The following CLYBL variants were observed in gnomAD, a reference collection of about 807,000 sequenced individuals.
The protein encoded by CLYBL is citramalyl-CoA lyase, mitochondrial.
CLYBL carries 31 observed loss-of-function variants against 38.9 expected under a neutral mutation model. The ratio of observed to expected loss-of-function variants is 0.80; its 90% CI spans 0.60 to 1.08. The LOEUF is 1.08. Among genes scored for constraint, CLYBL ranks in the 50% least tolerant of loss-of-function variants. The pLI is 0.00. For missense variants in CLYBL, 434 were observed against 411.6 expected (o/e 1.05, Z -0.47); for synonymous variants, 171 against 158.6 (o/e 1.08, Z -0.59).
chr13:99,842,636 C>T (rs2051109475), intron 2 of CLYBL, among the ~76,000 whole-genome samples: 1 of 152,016 alleles, frequency 6.6e-6, no homozygotes, highest in Admixed American at 6.5e-5. Flanking sequence ...ACAGGGCCAA[C>T]CTAATATGAA....
At position 99,674,345 on chromosome 13, in the gene CLYBL, G is replaced by C. The variant is rs753543388; in HGVS notation, c.62+67588G>C. Among the ~76,000 whole-genome samples the C allele has an allele frequency of 2.6e-5, 4 of 151,342 alleles. No homozygotes were observed. In the South Asian group the frequency reaches 6.3e-4, roughly 24 times the overall value. On this transcript the variant is annotated intron_variant, in intron 1 of 8. Coordinates refer to ENST00000339105, the MANE Select transcript of CLYBL (RefSeq NM_206808.5). ...TTTTGTATTTTTAATAAAGACAGGG[G>C]TTCACCATGTTGGCCAGGCTGGTCT...
chr13:99,881,390 G>A (rs994756408), intron 7 of CLYBL, among the ~76,000 whole-genome samples: 3 of 152,068 alleles, frequency 2.0e-5, no homozygotes, highest in African/African-American at 7.2e-5. Context: ...TACTTTCTAA[G>A]TCTCCAGTCA....
At chr13:99,822,804 A>G (rs1239718788) in intron 2 of CLYBL, among the ~76,000 whole-genome samples, 2 of 152,122 alleles carry the variant, frequency 1.3e-5, no homozygotes, top group Non-Finnish European at 2.9e-5. Flanking sequence ...GTTCTTCCCC[A>G]AGTCTTTCTT....
chr13:99,725,403 G>A (rs2048456322), intron 1 of CLYBL, among the ~76,000 whole-genome samples: 1 of 152,166 alleles, frequency 6.6e-6, no homozygotes, highest in Non-Finnish European at 1.5e-5. Context: ...GGCTAACAAT[G>A]TGAGCTTTCA....
intron 2 of CLYBL, among the ~76,000 whole-genome samples, chr13:99,812,387 T>C (rs1365343833): frequency 6.6e-6 from 1 of 152,210 alleles, no homozygotes; most frequent in African/African-American, 2.4e-5. Context: ...GTTACAGAAT[T>C]ACATAATTCC....
chr13:99,787,029 C>T (rs755758942), intron 2 of CLYBL, among the ~76,000 whole-genome samples: 5 of 151,848 alleles, frequency 3.3e-5, no homozygotes, highest in Non-Finnish European at 5.9e-5. Flanking sequence ...CTGTTCACAT[C>T]CTTCACCCAC....
chr13:99,721,862 T>C (rs1224997888), intron 1 of CLYBL, among the ~76,000 whole-genome samples: 1 of 152,124 alleles, frequency 6.6e-6, no homozygotes, highest in Non-Finnish European at 1.5e-5. Flanking sequence ...AGGGGTTATT[T>C]TTGCCTCTGG....
intron 2 of CLYBL, among the ~76,000 whole-genome samples, chr13:99,848,112 C>T (rs1424187154): frequency 6.6e-6 from 1 of 152,192 alleles, no homozygotes; most frequent in Admixed American, 6.5e-5. Context: ...CTCTCACCTC[C>T]TCTGCACTTA....
intron 2 of CLYBL, among the ~76,000 whole-genome samples, chr13:99,812,817 T>C (rs2050368766): frequency 6.6e-6 from 1 of 152,188 alleles, no homozygotes; most frequent in African/African-American, 2.4e-5. Context: ...ATACCCAGCC[T>C]CTGGATGGTA....
intron 1 of CLYBL, among the ~76,000 whole-genome samples, chr13:99,752,726 C>A (rs1940818252): frequency 6.6e-6 from 1 of 152,050 alleles, no homozygotes; most frequent in Non-Finnish European, 1.5e-5. Context: ...TGTGTCACCC[C>A]CTCATGGCTC....
intron 2 of CLYBL, among the ~76,000 whole-genome samples, chr13:99,800,910 A>C (rs891928855): frequency 2.6e-4 from 39 of 150,738 alleles, no homozygotes; most frequent in Non-Finnish European, 4.9e-4. Context: ...AAAAAAACAA[A>C]AAAAAAAAAA....
intron 9 of CLYBL, among the ~76,000 whole-genome samples, chr13:99,906,558 G>A (rs2181610): frequency 0.079 from 11,974 of 151,986 alleles, 540 homozygotes; most frequent in South Asian, 0.17. Flanking sequence ...TGAGTAGCTG[G>A]GATTACAGGT....
intron 1 of CLYBL, among the ~76,000 whole-genome samples, chr13:99,733,386 C>T (rs1208873660): frequency 3.9e-5 from 6 of 152,130 alleles, no homozygotes; most frequent in African/African-American, 1.4e-4. Context: ...GGAATGAACC[C>T]GTCGTAATTT....
intron 2 of CLYBL, among the ~76,000 whole-genome samples, chr13:99,808,116 C>T (rs1276999378): frequency 1.3e-5 from 2 of 152,090 alleles, no homozygotes; most frequent in African/African-American, 4.8e-5. Context: ...AATGGGGTCT[C>T]ACTCTGTCAC....
At chr13:99,837,250 C>A (rs1555591) in intron 2 of CLYBL, among the ~76,000 whole-genome samples, 1,942 of 152,166 alleles carry the variant, frequency 0.013, 54 homozygotes, top group East Asian at 0.07. Flanking sequence ...GAGTTTGCGA[C>A]CAGCCTGGGC....
chr13:99,836,463 G>T (rs945204719), intron 2 of CLYBL, among the ~76,000 whole-genome samples: 1 of 152,174 alleles, frequency 6.6e-6, no homozygotes, highest in African/African-American at 2.4e-5. Flanking sequence ...AGGAGGTAGG[G>T]CCAGGAGGAA....
intron 1 of CLYBL, among the ~76,000 whole-genome samples, chr13:99,622,674 C>G (rs1306156172): frequency 1.3e-5 from 2 of 152,224 alleles, no homozygotes; most frequent in South Asian, 2.1e-4. Context: ...AAGGAGAACT[C>G]TATCCATTGA....
chr13:99,677,629 G>C (rs2047673401), intron 1 of CLYBL, among the ~76,000 whole-genome samples: 1 of 152,184 alleles, frequency 6.6e-6, no homozygotes, highest in Non-Finnish European at 1.5e-5. Context: ...TTTGCCCAAA[G>C]TAATTTTGGA....
intron 7 of CLYBL, among the ~76,000 whole-genome samples, chr13:99,881,339 CACT>C (rs1316125515): frequency 6.6e-6 from 1 of 152,170 alleles, no homozygotes; most frequent in African/African-American, 2.4e-5. Context: ...ATGAAATTAT[CACT>C]ACAATTTAAA....
Sources: allele counts gnomAD v4.1 joint callset (sites outside exome capture counted in the v4.1 genomes callset), GRCh38; gene constraint gnomAD v4.1.1; transcripts MANE v1.5; gene names NCBI Gene and HGNC (gene_info 2026-07-23, HGNC 2026-07-21).